Variants in PSMA8 observed in about 807,000 individuals in gnomAD.
PSMA8 encodes proteasome subunit alpha-type 8.
A neutral mutation model predicts 32.4 loss-of-function variants in PSMA8; 18 were observed. The ratio of observed to expected loss-of-function variants is 0.56; its 90% CI spans 0.38 to 0.82. The LOEUF is 0.82. Ranked by LOEUF, PSMA8 falls within the 40% of genes least tolerant of loss-of-function variation. The probability of loss-of-function intolerance (pLI) is 0.00; values close to 1 mark genes in which losing one functional copy is unlikely to be tolerated. For missense variants in PSMA8, 298 were observed against 300.7 expected, an observed-to-expected ratio of 0.99 and a Z score of 0.07; for synonymous variants, 104 against 98.1, an observed-to-expected ratio of 1.06 and a Z score of -0.36.
Position 26,181,782 on chromosome 18 carries a change from C to T in PSMA8, c.660+2652C>T, listed in dbSNP as rs181945841. 3.1e-3 allele frequency among the ~76,000 whole-genome samples: 467 copies of T among 151,944 alleles called. 1 individual carries two copies. Among genetic ancestry groups the T allele is most frequent in the Non-Finnish European group, 5.5e-3 (371 of 67,914 alleles). On this transcript the variant is annotated intron_variant, in intron 6 of 6. Coordinates refer to ENST00000415576, the MANE Select transcript of PSMA8 (RefSeq NM_001025096.2). ...CTACTAAAAATACAAAATTTAGCCA[C>T]GTGTGGTGGCACGCACCTGTAATCC...
chr18:26,160,487 C>T (rs948528841), intron 4 of PSMA8, among the ~76,000 whole-genome samples: 3 of 152,192 alleles, frequency 2.0e-5, no homozygotes, highest in Non-Finnish European at 4.4e-5. Context: ...AATCTTCTGA[C>T]TTGATTTCTA....
At chr18:26,140,013 G>A (rs1340061213) in intron 1 of PSMA8, 21 of 701,312 alleles carry the variant, frequency 3.0e-5, no homozygotes, top group Non-Finnish European at 4.9e-5. Context: ...GAAATTCATA[G>A]ATCTCCATAC....
intron 2 of PSMA8, among the ~76,000 whole-genome samples, chr18:26,149,699 A>G (rs1436730333): frequency 6.6e-6 from 1 of 152,238 alleles, no homozygotes; most frequent in South Asian, 2.1e-4. Context: ...ACAATCTTCT[A>G]AACAAATGGT....
chr18:26,141,047 C>A (rs542142313), intron 1 of PSMA8, among the ~76,000 whole-genome samples: 1 of 152,024 alleles, frequency 6.6e-6, no homozygotes, highest in African/African-American at 2.4e-5. Flanking sequence ...TCACTCTATC[C>A]CTTTCCTAAT....
chr18:26,134,139 C>T, intron 1 of PSMA8, 72 bp downstream of exon 1: 1 of 1,081,892 alleles, frequency 9.2e-7, no homozygotes, highest in East Asian at 2.4e-5. Context: ...GCTGCCCCAG[C>T]CCACCTTTCC....
intron 4 of PSMA8, among the ~76,000 whole-genome samples, chr18:26,163,984 T>G (rs760317766): frequency 4.6e-5 from 7 of 152,196 alleles, no homozygotes; most frequent in Non-Finnish European, 1.0e-4. Context: ...AGACAAGTGT[T>G]CTGGATCCCA....
chr18:26,171,417 A>G (rs2055219965), intron 4 of PSMA8: 2 of 1,015,034 alleles, frequency 2.0e-6, no homozygotes, highest in Non-Finnish European at 2.9e-6. Flanking sequence ...CTTATTTTTA[A>G]ATGAATTAAA....
intron 4 of PSMA8, chr18:26,171,012 C>G: frequency 6.4e-7 from 1 of 1,555,964 alleles, no homozygotes; most frequent in Admixed American, 1.8e-5. Context: ...ATCTAGACTT[C>G]TGGAAAGAAA....
Position 26,192,347 on chromosome 18 carries a change from A to T in PSMA8, c.689A>T (p.Tyr230Phe). 3 of 1,519,280 alleles carry T rather than the reference A, an allele frequency of 2.0e-6. No homozygotes were observed. In the South Asian group the frequency reaches 4.1e-5, roughly 21 times the overall value. The allele number at this position is 1,519,280 out of a possible 1,614,324, so 94.1% of individuals were successfully genotyped here. ...KMFSAKEVEL[Y>F]VTEIEKEKEE... ...TTTAGTGCAAAAGAAGTTGAATTATATGTAACTGAAATAGAAAAGGAAAAG... is the reference window on the plus strand; with the variant it reads ...TTTAGTGCAAAAGAAGTTGAATTATTTGTAACTGAAATAGAAAAGGAAAAG... Residue 230 changes from tyrosine to phenylalanine, a missense_variant, in exon 7 of 7, where the codon TAT becomes TTT. Coordinates refer to ENST00000415576, the MANE Select transcript of PSMA8 (RefSeq NM_001025096.2).
chr18:26,154,948 C>T (rs2055076324), intron 3 of PSMA8, among the ~76,000 whole-genome samples: 1 of 151,428 alleles, frequency 6.6e-6, no homozygotes, highest in African/African-American at 2.4e-5. Flanking sequence ...ATTCATTAGT[C>T]TAGGCACGGT....
intron 3 of PSMA8, among the ~76,000 whole-genome samples, chr18:26,154,271 A>G (rs528168846): frequency 6.6e-6 from 1 of 152,318 alleles, no homozygotes; most frequent in Admixed American, 6.5e-5. Context: ...GTAAGTTTTA[A>G]CTGATTAGCT....
chr18:26,174,593 C>G (rs545210259), intron 4 of PSMA8, among the ~76,000 whole-genome samples: 1 of 152,252 alleles, frequency 6.6e-6, no homozygotes, highest in South Asian at 2.1e-4. Context: ...GGAGACCCAC[C>G]TGCATAGACT....
chr18:26,142,984 T>A (rs548740705), intron 1 of PSMA8, among the ~76,000 whole-genome samples: 44 of 152,320 alleles, frequency 2.9e-4, no homozygotes, highest in African/African-American at 1.0e-3. Context: ...GGGAAAACTT[T>A]TACAGAATTT....
intron 6 of PSMA8, among the ~76,000 whole-genome samples, chr18:26,182,291 G>T (rs2055318165): frequency 6.6e-6 from 1 of 152,214 alleles, no homozygotes; most frequent in African/African-American, 2.4e-5. Flanking sequence ...ACAGCTTTCT[G>T]CTGGAAGAAG....
intron 6 of PSMA8, among the ~76,000 whole-genome samples, chr18:26,185,087 CAAAAAAAAAAAAA>C (rs772421124): frequency 1.8e-5 from 1 of 55,468 alleles, no homozygotes; most frequent in African/African-American, 6.5e-5. Flanking sequence ...AACTCCATCT[CAAAAAAAAAAAAA>C]AAAAAAAAGT....
intron 1 of PSMA8, chr18:26,140,064 T>G: frequency 4.3e-6 from 3 of 703,080 alleles, no homozygotes; most frequent in Non-Finnish European, 7.8e-6. Flanking sequence ...TCTCTGATTG[T>G]TCACGATTCT....
chr18:26,133,939 G>C lies in PSMA8; in HGVS notation c.-27G>C. ...CCTCAGCTGCAGCAGCGGGAAGCTC[G>C]GTGGCAAGCCCTTGTAGTCCTGTGC... On this transcript the variant is annotated 5_prime_UTR_variant, in exon 1 of 7. Coordinates refer to ENST00000415576, the MANE Select transcript of PSMA8 (RefSeq NM_001025096.2). The C allele has an allele frequency of 6.3e-7, 1 of 1,586,864 alleles. No homozygotes were observed. Among genetic ancestry groups the C allele is most frequent in the South Asian group, 1.1e-5 (1 of 90,072 alleles).
At chr18:26,190,172 G>T (rs2055390049) in intron 6 of PSMA8, among the ~76,000 whole-genome samples, 2 of 152,236 alleles carry the variant, frequency 1.3e-5, no homozygotes, top group Middle Eastern at 6.8e-3. Context: ...AGGGGCAGGT[G>T]GGGATGGTTA....
At chr18:26,181,342 C>A (rs1327719229) in intron 6 of PSMA8, among the ~76,000 whole-genome samples, 1 of 152,124 alleles carries the variant, frequency 6.6e-6, no homozygotes, top group Admixed American at 6.6e-5. Flanking sequence ...ATAAATGTTG[C>A]ATGTGTTCTG....
Sources: allele counts gnomAD v4.1 joint callset (sites outside exome capture counted in the v4.1 genomes callset), GRCh38; gene constraint gnomAD v4.1.1; transcripts MANE v1.5; gene names NCBI Gene and HGNC (gene_info 2026-07-23, HGNC 2026-07-21).